ERBB4: variants seen among roughly 807,000 people sequenced by gnomAD.
ERBB4 encodes receptor tyrosine-protein kinase erbB-4.
A neutral mutation model predicts 158.0 loss-of-function variants in ERBB4; 42 were observed. That is an observed-to-expected ratio of 0.27 (90% CI 0.21 to 0.34). ERBB4 has a LOEUF of 0.34. Among genes scored for constraint, ERBB4 ranks in the 10% least tolerant of loss-of-function variants. ERBB4 has a pLI of 1.00. For missense variants in ERBB4, 1,333 were observed against 1,624.1 expected, an observed-to-expected ratio of 0.82 and a Z score of 3.08; for synonymous variants, 583 against 558.7, an observed-to-expected ratio of 1.04 and a Z score of -0.61.
At chr2:211,823,860 C>T (rs1250547485) in intron 3 of ERBB4, among the ~76,000 whole-genome samples, 1 of 151,918 alleles carries the variant, frequency 6.6e-6, no homozygotes, top group Non-Finnish European at 1.5e-5. Context: ...TTGGCCAATT[C>T]ATAGTTAATT....
chr2:211,726,816 C>A (rs775451983), intron 5 of ERBB4, among the ~76,000 whole-genome samples: 2 of 152,168 alleles, frequency 1.3e-5, no homozygotes, highest in African/African-American at 4.8e-5. Context: ...TTATGACCAT[C>A]CCCGTACTAA....
intron 20 of ERBB4, among the ~76,000 whole-genome samples, chr2:211,442,018 A>G (rs2063989904): frequency 6.6e-6 from 1 of 151,988 alleles, no homozygotes; most frequent in Non-Finnish European, 1.5e-5. Flanking sequence ...CCTTCAACAG[A>G]CATGCACATA....
chr2:212,293,016 A>G (rs2086266416), intron 1 of ERBB4, among the ~76,000 whole-genome samples: 1 of 152,084 alleles, frequency 6.6e-6, no homozygotes, highest in African/African-American at 2.4e-5. Flanking sequence ...TATAAATGAG[A>G]AGAAGCTATA....
At chr2:212,513,797 G>A (rs1691665598) in intron 1 of ERBB4, among the ~76,000 whole-genome samples, 1 of 149,024 alleles carries the variant, frequency 6.7e-6, no homozygotes, top group Non-Finnish European at 1.5e-5. Flanking sequence ...GGGCGACACG[G>A]CGAGACTCCG....
intron 4 of ERBB4, among the ~76,000 whole-genome samples, chr2:211,782,735 T>C (rs1429651001): frequency 6.6e-6 from 1 of 152,174 alleles, no homozygotes; most frequent in African/African-American, 2.4e-5. Flanking sequence ...GGTCTATATC[T>C]CTGTTTTGGT....
intron 5 of ERBB4, among the ~76,000 whole-genome samples, chr2:211,741,452 T>TATAC (rs1553622686): frequency 4.9e-5 from 7 of 143,298 alleles, no homozygotes; most frequent in African/African-American, 1.8e-4. Context: ...TATGTAGTTA[T>TATAC]ACACACACAC....
chr2:211,748,257 ATTATT>A (rs148239120), intron 5 of ERBB4, among the ~76,000 whole-genome samples: 201 of 152,146 alleles, frequency 1.3e-3, no homozygotes, highest in African/African-American at 4.7e-3. Context: ...AATTAAAGTA[ATTATT>A]TTAATTGTAA....
At chr2:212,113,573 CAAAAAAAAAAAAAAAAA>C (rs35545899) in intron 2 of ERBB4, among the ~76,000 whole-genome samples, 5 of 64,248 alleles carry the variant, frequency 7.8e-5, no homozygotes, top group East Asian at 2.8e-3. Flanking sequence ...GACTCCATCT[CAAAAAAAAAAAAAAAAA>C]AAAAAAAAAA....
chr2:212,269,466 G>C (rs1448598319), intron 1 of ERBB4, among the ~76,000 whole-genome samples: 1 of 151,782 alleles, frequency 6.6e-6, no homozygotes, highest in Non-Finnish European at 1.5e-5. Flanking sequence ...TCCATCAAAA[G>C]CATGTGGATA....
chr2:212,064,988 G>GGTGTGTGTGTGT (rs34396660), intron 2 of ERBB4, among the ~76,000 whole-genome samples: 2 of 143,284 alleles, frequency 1.4e-5, no homozygotes, highest in Non-Finnish European at 1.5e-5. Flanking sequence ...ACATCTTTAT[G>GGTGTGTGTGTGT]GTGTGTGTGT....
At chr2:212,145,374 T>C (rs574847337) in intron 1 of ERBB4, among the ~76,000 whole-genome samples, 1 of 152,240 alleles carries the variant, frequency 6.6e-6, no homozygotes, top group Admixed American at 6.5e-5. Flanking sequence ...CCCCAATGAC[T>C]AGTATTTTGG....
At chr2:211,492,417 A>G (rs779514480) in intron 20 of ERBB4, among the ~76,000 whole-genome samples, 16 of 152,274 alleles carry the variant, frequency 1.1e-4, no homozygotes, top group Middle Eastern at 3.4e-3. Flanking sequence ...TTAAGCTAAT[A>G]AAACAGTTTA....
chr2:212,103,597 C>T (rs2079143203), intron 2 of ERBB4, among the ~76,000 whole-genome samples: 1 of 151,984 alleles, frequency 6.6e-6, no homozygotes, highest in African/African-American at 2.4e-5. Flanking sequence ...AAAAGATAAA[C>T]ATAATTCTGG....
chr2:211,832,600 G>A (rs535080721), intron 3 of ERBB4, among the ~76,000 whole-genome samples: 2 of 149,898 alleles, frequency 1.3e-5, no homozygotes, highest in African/African-American at 2.4e-5. Context: ...ACACATAAAC[G>A]TGTGTGTGTA....
intron 1 of ERBB4, among the ~76,000 whole-genome samples, chr2:212,367,437 T>C (rs955456942): frequency 4.6e-5 from 7 of 152,004 alleles, no homozygotes; most frequent in African/African-American, 1.7e-4. Flanking sequence ...GAAAATCAAC[T>C]CAAGATGGAT....
chr2:211,777,141 C>A (rs929005941), intron 4 of ERBB4: 2 of 152,074 alleles, frequency 1.3e-5, no homozygotes, highest in Admixed American at 1.3e-4. Flanking sequence ...CATGCATGAG[C>A]GTATATGCGT....
intron 7 of ERBB4, among the ~76,000 whole-genome samples, chr2:211,717,246 A>G (rs574119456): frequency 1.1e-4 from 17 of 152,326 alleles, no homozygotes; most frequent in African/African-American, 3.8e-4. Context: ...CCATCCTGCA[A>G]TACTGCCAAG....
intron 1 of ERBB4, among the ~76,000 whole-genome samples, chr2:212,178,147 G>A (rs1003408599): frequency 2.6e-5 from 4 of 151,716 alleles, no homozygotes; most frequent in African/African-American, 9.7e-5. Flanking sequence ...GGGTCTTATT[G>A]TCTATGTTAA....
chr2:212,080,569 T>C (rs576721812), intron 2 of ERBB4, among the ~76,000 whole-genome samples: 1 of 150,190 alleles, frequency 6.7e-6, no homozygotes, highest in South Asian at 2.1e-4. Flanking sequence ...TTAAAGACCA[T>C]AGCCTCAGAG....
Sources: gnomAD v4.1 joint callset for allele counts (sites outside exome capture counted in the v4.1 genomes callset) on GRCh38, gnomAD v4.1.1 for gene constraint, MANE v1.5 for transcripts, NCBI Gene and HGNC (gene_info 2026-07-23, HGNC 2026-07-21) for gene names.